BANK1: variants seen among roughly 807,000 people sequenced by gnomAD.
BANK1 encodes the protein B cell scaffold protein with ankyrin repeats 1, also known as B-cell scaffold protein with ankyrin repeats.
BANK1 carries 95 observed loss-of-function variants against 94.5 expected under a neutral mutation model. The ratio of observed to expected loss-of-function variants is 1.00; its 90% CI spans 0.85 to 1.19. The LOEUF (loss-of-function observed/expected upper bound fraction) is 1.19. Ranked by LOEUF, BANK1 falls within the 50% of genes most tolerant of loss-of-function variation. BANK1 has a pLI of 0.00. For missense variants in BANK1, 987 were observed against 932.2 expected (o/e 1.06, Z -0.77); for synonymous variants, 334 against 308.4 (o/e 1.08, Z -0.87).
rs74880333 is a variant in BANK1 at position 101,849,118 on chromosome 4, T to C, written c.470-5917T>C. ...AGTGTACTGAAGGCAATACCAGAAA[T>C]TGAAACATTAAAGTTGTCATTACTT... is the stretch of plus-strand genomic sequence containing the variant. On this transcript the variant is annotated intron_variant, in intron 2 of 16. Coordinates refer to ENST00000322953, the MANE Select transcript of BANK1 (RefSeq NM_017935.5). Among the ~76,000 whole-genome samples the C allele has an allele frequency of 3.5e-3, 527 of 152,264 alleles. 2 individuals are homozygous for C. The highest frequency in any genetic ancestry group is 0.012 in the African/African-American group (497 of 41,552).
chr4:101,819,857 G>C (rs915261661), intron 1 of BANK1, among the ~76,000 whole-genome samples: 7 of 152,096 alleles, frequency 4.6e-5, no homozygotes, highest in African/African-American at 1.7e-4. Flanking sequence ...AAATCCAGCT[G>C]GTGTCCTATT....
intron 6 of BANK1, among the ~76,000 whole-genome samples, chr4:101,916,966 C>T (rs915570626): frequency 6.6e-6 from 1 of 151,904 alleles, no homozygotes; most frequent in Admixed American, 6.6e-5. Flanking sequence ...ATTGTATCTC[C>T]TAAACAAATC....
intron 6 of BANK1, among the ~76,000 whole-genome samples, chr4:101,896,221 T>C (rs921539705): frequency 6.6e-6 from 1 of 152,016 alleles, no homozygotes; most frequent in South Asian, 2.1e-4. Context: ...CATAGTTTGT[T>C]GACATACTGT....
chr4:101,931,417 C>T (rs538510012), intron 7 of BANK1, among the ~76,000 whole-genome samples: 6 of 151,528 alleles, frequency 4.0e-5, no homozygotes, highest in African/African-American at 1.4e-4. Flanking sequence ...TAAGAACCAG[C>T]CCTTTCTGTA....
At chr4:102,037,562 G>A (rs1372763499) in intron 10 of BANK1, among the ~76,000 whole-genome samples, 1 of 152,168 alleles carries the variant, frequency 6.6e-6, no homozygotes, top group Non-Finnish European at 1.5e-5. Flanking sequence ...CCTGAGGTTG[G>A]AAAATTGAAA....
chr4:101,872,671 C>T (rs1728336985), intron 5 of BANK1, among the ~76,000 whole-genome samples: 1 of 152,092 alleles, frequency 6.6e-6, no homozygotes, highest in Non-Finnish European at 1.5e-5. Flanking sequence ...TGCCTTTGCT[C>T]CCACATAGAT....
At chr4:101,848,718 C>A (rs1054155590) in intron 2 of BANK1, among the ~76,000 whole-genome samples, 4 of 152,194 alleles carry the variant, frequency 2.6e-5, no homozygotes, top group African/African-American at 9.7e-5. Context: ...ATAGTAAAAA[C>A]AAAACAGAAC....
At chr4:101,804,721 TTTC>T (rs896496479) in intron 1 of BANK1, among the ~76,000 whole-genome samples, 37 of 152,172 alleles carry the variant, frequency 2.4e-4, no homozygotes, top group African/African-American at 8.7e-4. Context: ...TTAATAACAC[TTTC>T]TTTTCTCTAG....
chr4:101,862,804 A>G, intron 4 of BANK1, 140 bp downstream of exon 4: 1 of 875,148 alleles, frequency 1.1e-6, no homozygotes, highest in South Asian at 2.9e-5. Context: ...CACATACCCA[A>G]GGTTGTTATT....
intron 2 of BANK1, among the ~76,000 whole-genome samples, chr4:101,844,558 A>G (rs1727176551): frequency 6.6e-6 from 1 of 152,238 alleles, no homozygotes; most frequent in South Asian, 2.1e-4. Flanking sequence ...TTTTACCCTC[A>G]GTGCAAAGTA....
intron 1 of BANK1, among the ~76,000 whole-genome samples, chr4:101,829,587 C>T (rs1726521727): frequency 6.6e-6 from 1 of 151,660 alleles, no homozygotes; most frequent in Admixed American, 6.6e-5. Context: ...ATTTATTATA[C>T]TCTTTCATAT....
chr4:101,895,400 TCAAAA>T lies in BANK1; in HGVS notation c.1004_1008del (p.Asn335IlefsTer37). 4 of 1,558,436 alleles carry T rather than the reference TCAAAA, an allele frequency of 2.6e-6. No individual in the cohort carries two copies. The highest frequency in any genetic ancestry group is 3.5e-6 in the Non-Finnish European group (4 of 1,137,570). On this transcript the variant is annotated frameshift_variant, in exon 6 of 17. Transcript: ENST00000322953. LOFTEE classifies it high-confidence loss of function. ...AGTCTCTTCAAACTGAAATTTGTTCTCAAAACAAATGTGAGTATTTTCCAGCTGCA... is the reference window on the plus strand; with the variant it reads ...AGTCTCTTCAAACTGAAATTTGTTCTCAAATGTGAGTATTTTCCAGCTGCA...
At chr4:101,841,460 A>G (rs1181857398) in intron 2 of BANK1, among the ~76,000 whole-genome samples, 1 of 152,158 alleles carries the variant, frequency 6.6e-6, no homozygotes, top group African/African-American at 2.4e-5. Context: ...CTGAAATGAT[A>G]GGCCAAGATT....
chr4:102,057,258 CTT>C (rs1460330614), intron 11 of BANK1, among the ~76,000 whole-genome samples: 1 of 151,664 alleles, frequency 6.6e-6, no homozygotes, highest in Non-Finnish European at 1.5e-5. Flanking sequence ...CTCTCTTTCT[CTT>C]TCTCTCTCTC....
At chr4:101,958,878 C>T (rs1028673991) in intron 7 of BANK1, among the ~76,000 whole-genome samples, 1 of 152,202 alleles carries the variant, frequency 6.6e-6, no homozygotes, top group African/African-American at 2.4e-5. Context: ...GAAACTCTTA[C>T]ACCTCAACTA....
At chr4:102,018,690 T>C (rs1726793323) in intron 7 of BANK1, among the ~76,000 whole-genome samples, 1 of 152,216 alleles carries the variant, frequency 6.6e-6, no homozygotes, top group African/African-American at 2.4e-5. Context: ...TCATTTAATC[T>C]TAATCTTTCA....
At chr4:101,804,170 A>G (rs979716086) in intron 1 of BANK1, among the ~76,000 whole-genome samples, 1 of 142,878 alleles carries the variant, frequency 7.0e-6, no homozygotes, top group Non-Finnish European at 1.6e-5. Flanking sequence ...ACAAAAATAC[A>G]GACCATACAT....
intron 7 of BANK1, among the ~76,000 whole-genome samples, chr4:101,924,973 A>T (rs1008803993): frequency 2.0e-5 from 3 of 151,682 alleles, no homozygotes; most frequent in East Asian, 1.9e-4. Flanking sequence ...TTAGTATTTT[A>T]AAAAATAACT....
intron 3 of BANK1, among the ~76,000 whole-genome samples, chr4:101,858,639 A>G (rs1727765518): frequency 1.3e-5 from 2 of 152,042 alleles, no homozygotes; most frequent in Admixed American, 1.3e-4. Flanking sequence ...TTATTTTCCC[A>G]CTGCTGCTAT....
Sources: gnomAD v4.1 joint callset for allele counts (sites outside exome capture counted in the v4.1 genomes callset) on GRCh38, gnomAD v4.1.1 for gene constraint, MANE v1.5 for transcripts, NCBI Gene and HGNC (gene_info 2026-07-23, HGNC 2026-07-21) for gene names.